The following PRKN variants were observed in gnomAD, a reference collection of about 807,000 sequenced individuals.
The protein encoded by PRKN is parkin RBR E3 ubiquitin protein ligase, also known as E3 ubiquitin-protein ligase parkin.
In PRKN, 56 loss-of-function variants were observed where a neutral mutation model predicts 59.5. That is an observed-to-expected ratio of 0.94 (90% CI 0.76 to 1.18). PRKN has a LOEUF of 1.18. Among genes scored for constraint, PRKN ranks in the 50% most tolerant of loss-of-function variants. The pLI is 0.00. For missense variants in PRKN, 657 were observed against 596.4 expected (o/e 1.10, Z -1.06); for synonymous variants, 250 against 222.1 (o/e 1.13, Z -1.12).
At position 162,657,660 on chromosome 6, in the gene PRKN, G is replaced by T. The variant is rs192684901; in HGVS notation, c.7+70002C>A. ...TTACACTTGGTAAATTCAAATGGCT[G>T]AAAGAAAACACCTGTAATAAATCTT... On this transcript the variant is annotated intron_variant, in intron 1 of 11. Coordinates refer to ENST00000366898, the MANE Select transcript of PRKN (RefSeq NM_004562.3). Among the ~76,000 whole-genome samples, 611 of 152,230 alleles carry T rather than the reference G, an allele frequency of 4.0e-3. 4 individuals carry two copies. Among genetic ancestry groups the T allele is most frequent in the Non-Finnish European group, 6.1e-3 (412 of 68,012 alleles).
intron 6 of PRKN, among the ~76,000 whole-genome samples, chr6:161,794,589 T>A (rs1328668215): frequency 2.0e-5 from 3 of 152,186 alleles, no homozygotes; most frequent in Admixed American, 2.0e-4. Context: ...TTTTCTTCTA[T>A]CTTTTGGAGC....
chr6:162,522,803 A>G (rs917851604), intron 1 of PRKN, among the ~76,000 whole-genome samples: 2 of 152,150 alleles, frequency 1.3e-5, no homozygotes, highest in Admixed American at 6.5e-5. Context: ...TGATCAGAAA[A>G]AAAAAAAAAA....
chr6:162,489,077 C>CCCTTCCTT (rs58260588), intron 1 of PRKN, among the ~76,000 whole-genome samples: 43,522 of 150,642 alleles, frequency 0.29, 6,518 homozygotes, highest in East Asian at 0.48. Context: ...AAGGAGCTCA[C>CCCTTCCTT]CCTTCCTTCC....
intron 6 of PRKN, among the ~76,000 whole-genome samples, chr6:161,942,962 C>T (rs929311525): frequency 1.3e-5 from 2 of 152,186 alleles, no homozygotes; most frequent in African/African-American, 4.8e-5. Context: ...TCTAAAGACA[C>T]ATGCAGTGAA....
intron 2 of PRKN, among the ~76,000 whole-genome samples, chr6:162,288,242 A>T: frequency 6.6e-6 from 1 of 152,114 alleles, no homozygotes. Flanking sequence ...AAGAGGAAAA[A>T]CATCCATTCT....
chr6:162,613,479 C>T (rs553526432), intron 1 of PRKN, among the ~76,000 whole-genome samples: 4 of 152,270 alleles, frequency 2.6e-5, no homozygotes, highest in East Asian at 1.9e-4. Context: ...AAACTCACTA[C>T]GTCACTTTAC....
At chr6:162,028,284 T>C (rs1783511645) in intron 5 of PRKN, among the ~76,000 whole-genome samples, 1 of 152,246 alleles carries the variant, frequency 6.6e-6, no homozygotes, top group Admixed American at 6.5e-5. Flanking sequence ...TCTTCTATAA[T>C]GTGGAGGCTT....
chr6:162,578,807 G>C (rs1311062657), intron 1 of PRKN, among the ~76,000 whole-genome samples: 1 of 152,030 alleles, frequency 6.6e-6, no homozygotes, highest in Non-Finnish European at 1.5e-5. Context: ...AAATTTCTAA[G>C]AGCTATTTTA....
intron 7 of PRKN, among the ~76,000 whole-genome samples, chr6:161,658,197 T>C (rs1369335892): frequency 7.2e-6 from 1 of 139,070 alleles, no homozygotes; most frequent in Non-Finnish European, 1.6e-5. Context: ...ATGTATATAT[T>C]AAATTGTATT....
rs1315067517 is a variant in PRKN, at chr6:161,385,119, G to A, written c.1167+1675C>T. Among the ~76,000 whole-genome samples the A allele has an allele frequency of 1.3e-5, 2 of 152,006 alleles. No homozygotes were observed. Among genetic ancestry groups the A allele is most frequent in the South Asian group, 2.1e-4 (1 of 4,818 alleles). ...TAATTTTTGTATTTTTAGTAGAGAC[G>A]GGGTTTCACCATGTTGGCCAGGCTG... On this transcript the variant is annotated intron_variant, in intron 10 of 11. Transcript: ENST00000366898. This position sits in a 1 kb window ranked among gnomAD's most constrained non-coding sequence, Gnocchi z 4.9.
chr6:161,404,192 A>G (rs903024111), intron 9 of PRKN, among the ~76,000 whole-genome samples: 1 of 152,120 alleles, frequency 6.6e-6, no homozygotes, highest in Non-Finnish European at 1.5e-5. Context: ...CATCATCCCT[A>G]CTAGACTCAA....
chr6:161,954,592 T>C (rs766776509), intron 6 of PRKN, among the ~76,000 whole-genome samples: 1 of 152,226 alleles, frequency 6.6e-6, no homozygotes, highest in South Asian at 2.1e-4. Context: ...TGTAATTGTT[T>C]TATTAAGGAA....
intron 4 of PRKN, among the ~76,000 whole-genome samples, 192 bp from the exon 5 acceptor site, chr6:162,054,366 A>G (rs773158383): frequency 2.0e-5 from 3 of 152,220 alleles, no homozygotes; most frequent in Admixed American, 6.5e-5. Flanking sequence ...AACTATGTTC[A>G]TCAACATACA....
At chr6:162,184,149 T>C (rs1265322025) in intron 4 of PRKN, among the ~76,000 whole-genome samples, 3 of 152,236 alleles carry the variant, frequency 2.0e-5, no homozygotes, top group Non-Finnish European at 4.4e-5. Flanking sequence ...TATCAACTTT[T>C]GCTAATTAAT....
chr6:161,746,679 TATATC>T (rs1788432600), intron 7 of PRKN, among the ~76,000 whole-genome samples: 1 of 145,440 alleles, frequency 6.9e-6, no homozygotes, highest in Non-Finnish European at 1.5e-5. Context: ...TATCTATAGA[TATATC>T]TATATAGGTA....
intron 6 of PRKN, among the ~76,000 whole-genome samples, chr6:161,793,318 T>G (rs1027393686): frequency 1.2e-4 from 18 of 152,142 alleles, no homozygotes; most frequent in African/African-American, 4.3e-4. Context: ...TAACTACCCC[T>G]TCTGGTTTTT....
At chr6:162,438,421 T>C (rs1185117489) in intron 2 of PRKN, among the ~76,000 whole-genome samples, 1 of 152,206 alleles carries the variant, frequency 6.6e-6, no homozygotes, top group East Asian at 1.9e-4. Context: ...TTTTTTGTTG[T>C]TTCATTTGTT....
intron 9 of PRKN, among the ~76,000 whole-genome samples, chr6:161,496,103 T>A (rs545788467): frequency 9.2e-5 from 14 of 152,360 alleles, no homozygotes; most frequent in South Asian, 4.1e-4. Flanking sequence ...ATTAAGAGGC[T>A]TAACATGTAA....
chr6:161,360,742 C>T lies in PRKN; in HGVS notation c.1168-537G>A, dbSNP rs541784178. ...ACTCCAAATGTTGTCACAGAAGGGA[C>T]AGGAGCAAGAACAGGAAATGAAGTC... On this transcript the variant is annotated intron_variant, in intron 10 of 11. Transcript: ENST00000366898. This position sits in a 1 kb window ranked among gnomAD's most constrained non-coding sequence, Gnocchi z 5.1. Among the ~76,000 whole-genome samples, 1 of 152,242 alleles carries T rather than the reference C, an allele frequency of 6.6e-6. No homozygotes were observed. Among genetic ancestry groups the T allele is most frequent in the South Asian group, 2.1e-4 (1 of 4,816 alleles).
Sources: gnomAD v4.1 joint callset for allele counts (sites outside exome capture counted in the v4.1 genomes callset) on GRCh38, gnomAD v4.1.1 for gene constraint, Gnocchi (gnomAD v3.1) non-coding constraint, MANE v1.5 for transcripts, NCBI Gene and HGNC (gene_info 2026-07-23, HGNC 2026-07-21) for gene names.